The following PTPRN2 variants were observed in gnomAD, a reference collection of about 807,000 sequenced individuals.
The protein encoded by PTPRN2 is protein tyrosine phosphatase receptor type N2, also known as receptor-type tyrosine-protein phosphatase N2.
PTPRN2 carries 74 observed loss-of-function variants against 118.8 expected under a neutral mutation model. That is an observed-to-expected ratio of 0.62 (90% CI 0.52 to 0.76). The LOEUF (loss-of-function observed/expected upper bound fraction) is 0.76. Ranked by LOEUF, PTPRN2 falls within the 30% of genes least tolerant of loss-of-function variation. The pLI is 0.00. For missense variants in PTPRN2, 1,481 were observed against 1,394.4 expected (o/e 1.06, Z -0.99); for synonymous variants, 641 against 608.0 (o/e 1.05, Z -0.80).
rs1563195779 is a variant in PTPRN2, at chr7:157,540,682, GGGGGCTCCCCTGAGGCCCCT to G, written c.*12_*31del. The G allele has an allele frequency of 1.3e-6, 2 of 1,484,172 alleles. No individual in the cohort carries two copies. Among genetic ancestry groups the G allele is most frequent in the Non-Finnish European group, 1.8e-6 (2 of 1,086,872 alleles). 91.9% of individuals were successfully genotyped at this position (1,484,172 alleles called of 1,614,324 possible). ...TGATTCCTGACAACATCCGTGGGGT[GGGGGCTCCCCTGAGGCCCCT>G]GAGGCTGCCGCTCACTGGGGAAGGG... is the stretch of plus-strand genomic sequence containing the variant. On this transcript the variant is annotated 3_prime_UTR_variant, in exon 23 of 23. Transcript: ENST00000389418.
intron 21 of PTPRN2, among the ~76,000 whole-genome samples, chr7:157,562,501 C>T (rs572617257): frequency 1.5e-4 from 23 of 152,330 alleles, no homozygotes; most frequent in African/African-American, 5.1e-4. Flanking sequence ...TAAACTTTAT[C>T]CAATTTTAGT....
chr7:158,170,200 A>G (rs117114682), intron 5 of PTPRN2, among the ~76,000 whole-genome samples: 3,862 of 152,206 alleles, frequency 0.025, 76 homozygotes, highest in Middle Eastern at 0.041. Context: ...CCCTCTAGCA[A>G]TTTCCCACAA....
Position 158,553,332 on chromosome 7 carries a change from C to T in PTPRN2, c.112+34226G>A, listed in dbSNP as rs149121992. Among the ~76,000 whole-genome samples the T allele has an allele frequency of 2.2e-4, 33 of 150,148 alleles. No homozygotes were observed. The East Asian group carries it at 6.3e-3, about 29-fold the overall frequency. On this transcript the variant is annotated intron_variant, in intron 1 of 22. Transcript: ENST00000389418. The stretch of plus-strand genomic sequence containing the variant: ...TCTATACCACACTCCCTGTCTACAC[C>T]TGTAGGCTTGGGAGTCTACACGACC...
chr7:158,310,474 C>T (rs1386255822), intron 3 of PTPRN2, among the ~76,000 whole-genome samples: 1 of 152,228 alleles, frequency 6.6e-6, no homozygotes, highest in Non-Finnish European at 1.5e-5. Flanking sequence ...TGCGTTCATG[C>T]TCTGGGCTCC....
At chr7:158,174,868 G>C (rs556895579) in intron 5 of PTPRN2, among the ~76,000 whole-genome samples, 1 of 152,278 alleles carries the variant, frequency 6.6e-6, no homozygotes, top group Admixed American at 6.5e-5. Context: ...ACACTGCTGA[G>C]GAAGTGACTC....
At chr7:157,983,726 C>T (rs1803495882) in intron 11 of PTPRN2, among the ~76,000 whole-genome samples, 1 of 152,236 alleles carries the variant, frequency 6.6e-6, no homozygotes, top group Non-Finnish European at 1.5e-5. Context: ...CCGACCCAGT[C>T]CCTGGAATCC....
chr7:157,999,330 A>G (rs1805040261), intron 11 of PTPRN2, among the ~76,000 whole-genome samples: 1 of 152,150 alleles, frequency 6.6e-6, no homozygotes, highest in African/African-American at 2.4e-5. Flanking sequence ...TCAGCTCCCA[A>G]TGTGAAATTA....
chr7:158,276,962 C>A (rs556628696), intron 3 of PTPRN2, among the ~76,000 whole-genome samples: 1 of 152,158 alleles, frequency 6.6e-6, no homozygotes. Flanking sequence ...CAGCCCACAG[C>A]GGGGTGAGGA....
intron 3 of PTPRN2, among the ~76,000 whole-genome samples, chr7:158,250,524 C>G (rs749916683): frequency 6.6e-6 from 1 of 152,050 alleles, no homozygotes; most frequent in Non-Finnish European, 1.5e-5. Flanking sequence ...CATGTACACA[C>G]CCATGTACAC....
chr7:157,732,509 TTC>T (rs1400045741), intron 12 of PTPRN2, among the ~76,000 whole-genome samples: 1 of 28,490 alleles, frequency 3.5e-5, no homozygotes, highest in African/African-American at 1.3e-4. Flanking sequence ...CAGTTACCCT[TTC>T]CCGTCCCATG....
intron 2 of PTPRN2, among the ~76,000 whole-genome samples, chr7:158,391,522 C>A (rs1586553839): frequency 6.6e-6 from 1 of 152,228 alleles, no homozygotes; most frequent in East Asian, 1.9e-4. Context: ...TTAAGGTCAC[C>A]ATGAGGAGGA....
intron 12 of PTPRN2, chr7:157,740,284 A>G (rs796826306): frequency 1.3e-5 from 2 of 152,370 alleles, no homozygotes; most frequent in African/African-American, 4.8e-5. Context: ...CAGAACACTA[A>G]CCTATCAATG....
Position 157,710,819 on chromosome 7 carries a change from G to T in PTPRN2, c.1789-27882C>A, listed in dbSNP as rs1289344384. On this transcript the variant is annotated intron_variant, in intron 12 of 22. Transcript: ENST00000389418. ...CACGCGAGAGCCCCACGCGCCGGAG[G>T]TTCCGGGGCAGCCGGGTTACACGCG... Among the ~76,000 whole-genome samples, 783 of 147,050 alleles carry T rather than the reference G, an allele frequency of 5.3e-3. 19 individuals are homozygous for T. The highest frequency in any genetic ancestry group is 0.019 in the African/African-American group (743 of 39,098).
rs1802313270 is a variant in PTPRN2 at position 157,764,193 on chromosome 7, C to T, written c.1789-81256G>A. On this transcript the variant is annotated intron_variant, in intron 12 of 22. Coordinates refer to ENST00000389418, the MANE Select transcript of PTPRN2 (RefSeq NM_002847.5). This position sits in a 1 kb window ranked among gnomAD's most constrained non-coding sequence, Gnocchi z 4.5. ...TAGTGGGTCCTCAAAAAACTAACCA[C>T]AGAATCAGCCCAGGACCCAGCAGTT... Among the ~76,000 whole-genome samples the T allele has an allele frequency of 6.6e-6, 1 of 152,178 alleles. No homozygotes were observed.
chr7:158,249,321 T>C (rs1490521980), intron 3 of PTPRN2, among the ~76,000 whole-genome samples: 17 of 112,820 alleles, frequency 1.5e-4, no homozygotes, highest in South Asian at 3.1e-4. Context: ...CACACCTGCA[T>C]GCACACACCC....
intron 3 of PTPRN2, 41 bp downstream of exon 3, chr7:158,316,778 C>G: frequency 6.8e-7 from 1 of 1,468,532 alleles, no homozygotes; most frequent in Non-Finnish European, 9.2e-7. Flanking sequence ...TGCGGTCGCT[C>G]AGTGCGGCAG....
At chr7:157,968,570 A>G (rs4716846) in intron 11 of PTPRN2, among the ~76,000 whole-genome samples, 84,589 of 152,062 alleles carry the variant, frequency 0.56, 23,696 homozygotes, top group East Asian at 0.7. Flanking sequence ...CTGGAGCCGC[A>G]TGTCTGCGAC....
chr7:157,984,069 G>C (rs1803525504), intron 11 of PTPRN2, among the ~76,000 whole-genome samples: 1 of 152,130 alleles, frequency 6.6e-6, no homozygotes, highest in Admixed American at 6.5e-5. Flanking sequence ...CAAGCACCAA[G>C]AAGGAAAATG....
intron 11 of PTPRN2, chr7:158,027,289 G>A (rs928990890): frequency 6.6e-6 from 1 of 152,252 alleles, no homozygotes; most frequent in African/African-American, 2.4e-5. Context: ...ACTCAGAAGT[G>A]GTGGAGGAAA....
Sources: allele counts gnomAD v4.1 joint callset (sites outside exome capture counted in the v4.1 genomes callset), GRCh38; gene constraint gnomAD v4.1.1; non-coding constraint Gnocchi (gnomAD v3.1); transcripts MANE v1.5; gene names NCBI Gene and HGNC (gene_info 2026-07-23, HGNC 2026-07-21).